The following NUBPL variants were observed in gnomAD, a reference collection of about 807,000 sequenced individuals.
The protein encoded by NUBPL is iron-sulfur cluster transfer protein NUBPL.
In NUBPL, 31 loss-of-function variants were observed where a neutral mutation model predicts 45.7. The observed-to-expected ratio is 0.68, with a 90% CI of 0.51 to 0.92. NUBPL has a LOEUF of 0.92. Ranked by LOEUF, NUBPL falls within the 40% of genes least tolerant of loss-of-function variation. The pLI is 0.00. For missense variants in NUBPL, 401 were observed against 398.7 expected (o/e 1.01, Z -0.05); for synonymous variants, 144 against 140.9 (o/e 1.02, Z -0.15).
At chr14:31,625,002 T>G (rs905670308) in intron 4 of NUBPL, among the ~76,000 whole-genome samples, 1 of 152,182 alleles carries the variant, frequency 6.6e-6, no homozygotes, top group Non-Finnish European at 1.5e-5. Context: ...AAAATGGCAG[T>G]TGTGTTCAGG....
chr14:31,670,870 G>A (rs192673154), intron 4 of NUBPL, among the ~76,000 whole-genome samples: 48 of 152,120 alleles, frequency 3.2e-4, no homozygotes, highest in Admixed American at 7.2e-4. Context: ...TTTTGGTTAC[G>A]GTAGCCCTGT....
At chr14:31,675,417 A>G (rs562075287) in intron 6 of NUBPL, among the ~76,000 whole-genome samples, 3 of 152,370 alleles carry the variant, frequency 2.0e-5, no homozygotes, top group African/African-American at 7.2e-5. Context: ...GTTTTGATTT[A>G]GAAACCAAAC....
rs556742305 is a variant in NUBPL, at chr14:31,584,810, T to A, written c.292-14479T>A. ...AGTCCAGGATCAAGATACTGGCAGA[T>A]CCAATGTCTGGTTGAGGGCCTGCTT... On this transcript the variant is annotated intron_variant, in intron 3 of 10. Transcript: ENST00000281081. 3.3e-5 allele frequency among the ~76,000 whole-genome samples: 5 copies of A among 152,288 alleles called. No homozygotes were observed. The East Asian group carries it at 9.6e-4, about 29-fold the overall frequency.
intron 6 of NUBPL, among the ~76,000 whole-genome samples, chr14:31,690,295 C>T (rs1009091644): frequency 6.6e-6 from 1 of 152,162 alleles, no homozygotes; most frequent in African/African-American, 2.4e-5. Context: ...TTGGGTTGGA[C>T]AACAATAAAA....
chr14:31,729,146 G>A (rs1049869567), intron 6 of NUBPL, among the ~76,000 whole-genome samples: 2 of 151,968 alleles, frequency 1.3e-5, no homozygotes. Flanking sequence ...CTGGGCGTGT[G>A]GCAGGCGCCT....
At chr14:31,620,846 G>T (rs981854663) in intron 4 of NUBPL, among the ~76,000 whole-genome samples, 1 of 152,212 alleles carries the variant, frequency 6.6e-6, no homozygotes, top group Admixed American at 6.5e-5. Flanking sequence ...AGAGCTGTTA[G>T]GCAGGGATGT....
At chr14:31,715,464 A>G (rs1055584861) in intron 6 of NUBPL, among the ~76,000 whole-genome samples, 3 of 152,208 alleles carry the variant, frequency 2.0e-5, no homozygotes, top group Non-Finnish European at 2.9e-5. Context: ...AGTATAGCCT[A>G]CCACACACCT....
At chr14:31,737,641 G>A (rs886072215) in intron 6 of NUBPL, among the ~76,000 whole-genome samples, 1 of 152,064 alleles carries the variant, frequency 6.6e-6, no homozygotes, top group African/African-American at 2.4e-5. Context: ...AAAATTAGCC[G>A]GGCATGGTGG....
rs149835840 is a variant in NUBPL, at chr14:31,791,600, A to G, written c.607+3727A>G. Among the ~76,000 whole-genome samples the G allele has an allele frequency of 6.5e-3, 996 of 152,336 alleles. 12 individuals carry two copies. Among genetic ancestry groups the G allele is most frequent in the African/African-American group, 0.022 (933 of 41,582 alleles). ...GTTAAAAGCCCCAGCTCTAAGAGATAGAGCATGGTGAGGAGCAGGAGAGAG... is the reference window on the plus strand; with the variant it reads ...GTTAAAAGCCCCAGCTCTAAGAGATGGAGCATGGTGAGGAGCAGGAGAGAG... On this transcript the variant is annotated intron_variant, in intron 7 of 10. Coordinates refer to ENST00000281081, the MANE Select transcript of NUBPL (RefSeq NM_025152.3).
chr14:31,749,572 A>G (rs907756623), intron 6 of NUBPL, among the ~76,000 whole-genome samples: 16 of 152,120 alleles, frequency 1.1e-4, no homozygotes, highest in Non-Finnish European at 1.5e-4. Context: ...CTGGTGGTTT[A>G]ATGACAATTT....
intron 7 of NUBPL, among the ~76,000 whole-genome samples, chr14:31,803,147 A>G (rs1412368421): frequency 6.6e-6 from 1 of 152,232 alleles, no homozygotes; most frequent in African/African-American, 2.4e-5. Flanking sequence ...AGGATCAGAC[A>G]GAAACTTATT....
intron 4 of NUBPL, among the ~76,000 whole-genome samples, chr14:31,617,402 G>A (rs2034934751): frequency 6.6e-6 from 1 of 152,170 alleles, no homozygotes; most frequent in Admixed American, 6.5e-5. Context: ...GTATGATATT[G>A]GCTGTGGGTT....
At chr14:31,610,608 C>CAAAAA (rs775656176) in intron 4 of NUBPL, among the ~76,000 whole-genome samples, 913 of 93,836 alleles carry the variant, frequency 9.7e-3, no homozygotes, top group East Asian at 0.019. Context: ...AAAGATACAT[C>CAAAAA]AAAAAAAAAA....
intron 6 of NUBPL, among the ~76,000 whole-genome samples, chr14:31,763,260 A>G (rs1224846122): frequency 1.3e-5 from 2 of 152,182 alleles, no homozygotes; most frequent in Admixed American, 6.5e-5. Context: ...TCAAGAAAAT[A>G]ACATCTTTAT....
At chr14:31,716,610 G>A (rs1203360389) in intron 6 of NUBPL, among the ~76,000 whole-genome samples, 2 of 152,162 alleles carry the variant, frequency 1.3e-5, no homozygotes, top group Non-Finnish European at 2.9e-5. Context: ...AGTAAATGGT[G>A]CAGCCAACAT....
chr14:31,602,492 AC>A (rs2034468978), intron 4 of NUBPL, among the ~76,000 whole-genome samples: 1 of 152,034 alleles, frequency 6.6e-6, no homozygotes, highest in South Asian at 2.1e-4. Flanking sequence ...CACGTAGAGC[AC>A]CGAATTTTAA....
chr14:31,801,311 G>A (rs1336123470), intron 7 of NUBPL: 1 of 152,220 alleles, frequency 6.6e-6, no homozygotes, highest in Non-Finnish European at 1.5e-5. Context: ...TCAACTCTTG[G>A]GGGACTGATC....
At chr14:31,617,331 A>C (rs767682645) in intron 4 of NUBPL, among the ~76,000 whole-genome samples, 72 of 152,196 alleles carry the variant, frequency 4.7e-4, no homozygotes, top group Non-Finnish European at 9.3e-4. Flanking sequence ...GAGTGGTGAA[A>C]GAGAGCATCC....
chr14:31,823,556 C>G (rs1245845272), intron 7 of NUBPL, among the ~76,000 whole-genome samples: 1 of 152,026 alleles, frequency 6.6e-6, no homozygotes, highest in Non-Finnish European at 1.5e-5. Context: ...GCTAATACCC[C>G]TTAAATAAGA....
Sources: gnomAD v4.1 joint callset for allele counts (sites outside exome capture counted in the v4.1 genomes callset) on GRCh38, gnomAD v4.1.1 for gene constraint, MANE v1.5 for transcripts, NCBI Gene and HGNC (gene_info 2026-07-23, HGNC 2026-07-21) for gene names.